The following WWOX variants were observed in gnomAD, a reference collection of about 807,000 sequenced individuals.
WWOX encodes WW domain containing oxidoreductase, also known as WW domain-containing oxidoreductase.
WWOX carries 69 observed loss-of-function variants against 46.2 expected under a neutral mutation model. That is an observed-to-expected ratio of 1.49 (90% CI 1.23 to 1.82). The LOEUF (loss-of-function observed/expected upper bound fraction) is 1.82, where lower values mean the gene tolerates loss of function less well. Ranked by LOEUF, WWOX falls within the 40% of genes most tolerant of loss-of-function variation. The probability of loss-of-function intolerance (pLI) is 0.00; values close to 1 mark genes in which losing one functional copy is unlikely to be tolerated. For synonymous variants in WWOX, 359 were observed against 202.6 expected, an observed-to-expected ratio of 1.77 and a Z score of -6.56; for missense variants, 919 against 542.6, an observed-to-expected ratio of 1.69 and a Z score of -6.89.
intron 5 of WWOX, among the ~76,000 whole-genome samples, chr16:78,297,528 C>T (rs1338578075): frequency 4.6e-5 from 7 of 152,152 alleles, no homozygotes; most frequent in East Asian, 1.9e-4. Context: ...CTGACAATTT[C>T]GAGTAGACTG....
At chr16:78,121,778 C>CA (rs1420916780) in intron 4 of WWOX, among the ~76,000 whole-genome samples, 2 of 151,886 alleles carry the variant, frequency 1.3e-5, no homozygotes, top group African/African-American at 4.8e-5. Context: ...TCTCATGTCT[C>CA]AGCCTCCTGA....
In WWOX at chr16:79,104,038, G is replaced by GGA. The variant is rs1491246780; in HGVS notation, c.1057-107569_1057-107568insAG. 8.9e-4 allele frequency among the ~76,000 whole-genome samples: 3 copies of GGA among 3,372 alleles called. No homozygotes were observed. In the East Asian group the frequency reaches 0.031, roughly 35 times the overall value. 2.2% of individuals were successfully genotyped at this position (3,372 alleles called of 152,430 possible). ...CAGCTATGTGGTGGTGCCCTTTTTT[G>GGA]GGGGGGGGGGGGCGGGTGGTGGGGG... On this transcript the variant is annotated intron_variant, in intron 8 of 8. Transcript: ENST00000566780.
At chr16:78,973,003 C>T (rs569027134) in intron 8 of WWOX, among the ~76,000 whole-genome samples, 3 of 152,156 alleles carry the variant, frequency 2.0e-5, no homozygotes, top group African/African-American at 7.2e-5. Context: ...CCTCCGATCG[C>T]ATTGAAGAGT....
At chr16:78,610,412 C>G (rs1043636044) in intron 8 of WWOX, among the ~76,000 whole-genome samples, 1 of 152,126 alleles carries the variant, frequency 6.6e-6, no homozygotes, top group African/African-American at 2.4e-5. Flanking sequence ...CTTCTTCTAT[C>G]AAAGGAAGAA....
intron 5 of WWOX, among the ~76,000 whole-genome samples, chr16:78,312,701 C>G (rs1431218366): frequency 6.6e-6 from 1 of 152,144 alleles, no homozygotes; most frequent in South Asian, 2.1e-4. Flanking sequence ...CTAGCAATCT[C>G]AGCAACTGTA....
chr16:78,695,591 C>A (rs953483531), intron 8 of WWOX, among the ~76,000 whole-genome samples: 4 of 152,118 alleles, frequency 2.6e-5, no homozygotes, highest in African/African-American at 7.2e-5. Context: ...TCAGAGAGAG[C>A]AGAGCCATGC....
intron 5 of WWOX, among the ~76,000 whole-genome samples, chr16:78,294,681 G>A (rs2079915131): frequency 8.1e-6 from 1 of 122,828 alleles, no homozygotes; most frequent in Admixed American, 8.1e-5. Flanking sequence ...ACTCCATGAT[G>A]AGATAGTTGG....
chr16:78,833,327 T>C (rs1210809870), intron 8 of WWOX, among the ~76,000 whole-genome samples: 2 of 152,012 alleles, frequency 1.3e-5, no homozygotes, highest in Non-Finnish European at 2.9e-5. Context: ...GATGACAAGC[T>C]CTTTCTTTAT....
At chr16:78,165,788 A>G (rs2034951476) in intron 5 of WWOX, among the ~76,000 whole-genome samples, 1 of 152,234 alleles carries the variant, frequency 6.6e-6, no homozygotes, top group Admixed American at 6.5e-5. Context: ...CTGCTTTTTC[A>G]GTGTATTTAT....
At chr16:78,982,749 G>T (rs1226694457) in intron 8 of WWOX, among the ~76,000 whole-genome samples, 1 of 152,064 alleles carries the variant, frequency 6.6e-6, no homozygotes, top group Admixed American at 6.5e-5. Context: ...GCAAACCCTC[G>T]AGAAGTTTGC....
rs1227477250 is a variant in WWOX at position 78,910,466 on chromosome 16, G to A, written c.1057-301142G>A. On this transcript the variant is annotated intron_variant, in intron 8 of 8. Coordinates refer to ENST00000566780, the MANE Select transcript of WWOX (RefSeq NM_016373.4). ...AACCTTGTTCATCCGTATTAGAACA[G>A]TGTGGTGTTTCATGTTAGCAGAGTG... Among the ~76,000 whole-genome samples, 4 of 151,366 alleles carry A rather than the reference G, an allele frequency of 2.6e-5. 1 individual carries two copies. Among genetic ancestry groups the A allele is most frequent in the Non-Finnish European group, 5.9e-5 (4 of 67,904 alleles).
At chr16:78,538,218 CAAAAAAAAAAAAAAAA>C (rs67413792) in intron 8 of WWOX, among the ~76,000 whole-genome samples, 2 of 60,034 alleles carry the variant, frequency 3.3e-5, no homozygotes, top group South Asian at 9.3e-4. Flanking sequence ...TCACTCACAC[CAAAAAAAAAAAAAAAA>C]AAAAAAAAAA....
At chr16:78,845,718 CATTTTAAGTGACAAA>C (rs1243401954) in intron 8 of WWOX, among the ~76,000 whole-genome samples, 10 of 152,132 alleles carry the variant, frequency 6.6e-5, no homozygotes, top group Non-Finnish European at 1.2e-4. Context: ...TCCAGACACT[CATTTTAAGTGACAAA>C]ATGGTTGAAG....
intron 6 of WWOX, among the ~76,000 whole-genome samples, chr16:78,406,487 G>C (rs988078729): frequency 1.3e-5 from 2 of 150,168 alleles, no homozygotes; most frequent in African/African-American, 4.9e-5. Flanking sequence ...TGAGTAGCTG[G>C]GACTACAGGC....
At chr16:78,428,935 A>G (rs1025040498) in intron 7 of WWOX, among the ~76,000 whole-genome samples, 1 of 152,180 alleles carries the variant, frequency 6.6e-6, no homozygotes, top group East Asian at 1.9e-4. Context: ...CTAGTGGTAA[A>G]TTTTACCTTT....
intron 8 of WWOX, among the ~76,000 whole-genome samples, chr16:78,670,195 C>A (rs1314505105): frequency 1.3e-5 from 2 of 152,142 alleles, no homozygotes; most frequent in African/African-American, 4.8e-5. Context: ...GCAGGTCCAG[C>A]TCTAACCACA....
intron 7 of WWOX, 46 bp from the exon 8 acceptor site, chr16:78,432,442 G>A (rs2083243891): frequency 6.2e-7 from 1 of 1,608,136 alleles, no homozygotes; most frequent in African/African-American, 1.3e-5. Flanking sequence ...AAGCTGTGTG[G>A]GAAGTCAGAA....
intron 5 of WWOX, among the ~76,000 whole-genome samples, chr16:78,377,869 A>C (rs1205432635): frequency 6.6e-6 from 1 of 152,212 alleles, no homozygotes; most frequent in Non-Finnish European, 1.5e-5. Flanking sequence ...AATTACCTAT[A>C]GATATTGACA....
At chr16:79,142,789 C>T (rs2050114726) in intron 8 of WWOX, among the ~76,000 whole-genome samples, 1 of 152,146 alleles carries the variant, frequency 6.6e-6, no homozygotes, top group South Asian at 2.1e-4. Flanking sequence ...GCCTTGACCT[C>T]CCAGGCCCAA....
Sources: gnomAD v4.1 joint callset for allele counts (sites outside exome capture counted in the v4.1 genomes callset) on GRCh38, gnomAD v4.1.1 for gene constraint, MANE v1.5 for transcripts, NCBI Gene and HGNC (gene_info 2026-07-23, HGNC 2026-07-21) for gene names.